Variants in CELF4 observed in about 807,000 individuals in gnomAD.
The protein encoded by CELF4 is CUGBP Elav-like family member 4.
CELF4 carries 18 observed loss-of-function variants against 59.9 expected under a neutral mutation model. The observed-to-expected ratio is 0.30, with a 90% CI of 0.21 to 0.45. The LOEUF is 0.45. CELF4 is among the 20% of genes least tolerant of loss of function. CELF4 has a pLI of 1.00. For synonymous variants in CELF4, 261 were observed against 267.1 expected (o/e 0.98, Z 0.22); for missense variants, 456 against 689.0 (o/e 0.66, Z 3.79).
At chr18:37,340,858 G>A (rs2097989371) in intron 2 of CELF4, among the ~76,000 whole-genome samples, 1 of 152,236 alleles carries the variant, frequency 6.6e-6, no homozygotes, top group Non-Finnish European at 1.5e-5. Flanking sequence ...GAATGCCTCT[G>A]CTGACTGGAG....
At chr18:37,364,895 C>T (rs1174711066) in intron 2 of CELF4, among the ~76,000 whole-genome samples, 1 of 152,084 alleles carries the variant, frequency 6.6e-6, no homozygotes, top group Non-Finnish European at 1.5e-5. Flanking sequence ...GACTATGGAG[C>T]TCAAGACGGG....
intron 1 of CELF4, among the ~76,000 whole-genome samples, chr18:37,536,971 A>G (rs1026630514): frequency 1.3e-5 from 2 of 152,172 alleles, no homozygotes; most frequent in African/African-American, 2.4e-5. Flanking sequence ...GACAGATGTG[A>G]TCTGATGTAG....
At chr18:37,500,701 T>A in intron 1 of CELF4, among the ~76,000 whole-genome samples, 1 of 151,812 alleles carries the variant, frequency 6.6e-6, no homozygotes, top group Admixed American at 6.6e-5. Flanking sequence ...GCCTGGCTAA[T>A]TTTTTTGTAT....
intron 1 of CELF4, among the ~76,000 whole-genome samples, chr18:37,513,662 C>T (rs2099947091): frequency 1.3e-5 from 2 of 152,182 alleles, no homozygotes; most frequent in Non-Finnish European, 2.9e-5. Context: ...TCTTACTGTT[C>T]CTGAGACACA....
chr18:37,370,337 C>G (rs563181223), intron 2 of CELF4, among the ~76,000 whole-genome samples: 2 of 152,284 alleles, frequency 1.3e-5, no homozygotes, highest in African/African-American at 4.8e-5. Flanking sequence ...AAATGGAGGG[C>G]TCCACTCTTC....
At chr18:37,332,327 C>T (rs1027986104) in intron 2 of CELF4, among the ~76,000 whole-genome samples, 2 of 152,156 alleles carry the variant, frequency 1.3e-5, no homozygotes, top group Admixed American at 6.5e-5. Flanking sequence ...CCAGGTGGCA[C>T]CCTTTGCAGC....
chr18:37,343,317 T>C (rs1210248091), intron 2 of CELF4, among the ~76,000 whole-genome samples: 3 of 148,774 alleles, frequency 2.0e-5, no homozygotes, highest in South Asian at 2.2e-4. Context: ...GTGTTGAGAA[T>C]GGGTGTTGAT....
Position 37,394,513 on chromosome 18 carries a change from G to T in CELF4, c.370-72632C>A, listed in dbSNP as rs1466343406. On this transcript the variant is annotated intron_variant, in intron 2 of 12. Transcript: ENST00000420428. Reference sequence around the variant, plus strand: ...TGAGGCAGCGGCCGGCTCCCCCAAAGTGAGGCCCAGGCAGATGGCTGGCCA... The same window carrying T: ...TGAGGCAGCGGCCGGCTCCCCCAAATTGAGGCCCAGGCAGATGGCTGGCCA... Among the ~76,000 whole-genome samples, 3 of 152,220 alleles carry T rather than the reference G, an allele frequency of 2.0e-5. No homozygotes were observed. In the East Asian group the frequency reaches 5.8e-4, roughly 29 times the overall value.
intron 1 of CELF4, among the ~76,000 whole-genome samples, chr18:37,490,336 G>A (rs2099897353): frequency 6.6e-6 from 1 of 151,918 alleles, no homozygotes; most frequent in Non-Finnish European, 1.5e-5. Flanking sequence ...GACACATTTA[G>A]ACCCAGAATG....
At chr18:37,327,666 G>A (rs376869084) in intron 2 of CELF4, among the ~76,000 whole-genome samples, 1 of 152,136 alleles carries the variant, frequency 6.6e-6, no homozygotes, top group African/African-American at 2.4e-5. Flanking sequence ...AGGGGGGAGC[G>A]GGGAGGCAAG....
chr18:37,508,896 G>A (rs533448260), intron 1 of CELF4, among the ~76,000 whole-genome samples: 2 of 152,186 alleles, frequency 1.3e-5, no homozygotes, highest in Non-Finnish European at 2.9e-5. Flanking sequence ...AGAGAGAAGG[G>A]TGATCTCTGC....
At chr18:37,414,564 C>G (rs1403661549) in intron 2 of CELF4, among the ~76,000 whole-genome samples, 1 of 139,900 alleles carries the variant, frequency 7.1e-6, no homozygotes, top group African/African-American at 2.6e-5. Flanking sequence ...TGCAGTGGCG[C>G]GATCTCGGCT....
chr18:37,343,950 T>C (rs960973164), intron 2 of CELF4, among the ~76,000 whole-genome samples: 2 of 152,158 alleles, frequency 1.3e-5, no homozygotes, highest in Non-Finnish European at 2.9e-5. Flanking sequence ...TTGCCAGGAA[T>C]GGTCTCTCTG....
chr18:37,307,086 G>T (rs1314594232), intron 3 of CELF4, among the ~76,000 whole-genome samples: 1 of 152,058 alleles, frequency 6.6e-6, no homozygotes, highest in African/African-American at 2.4e-5. Context: ...CCCCAGGAGC[G>T]GTGAGGGAAG....
intron 2 of CELF4, among the ~76,000 whole-genome samples, chr18:37,343,508 G>A (rs922360651): frequency 3.3e-5 from 5 of 151,990 alleles, no homozygotes; most frequent in African/African-American, 9.7e-5. Flanking sequence ...AAGGGTTGCC[G>A]GCCAGGCTCG....
chr18:37,404,949 A>G (rs1260155082), intron 2 of CELF4, among the ~76,000 whole-genome samples: 3 of 152,038 alleles, frequency 2.0e-5, no homozygotes, highest in Non-Finnish European at 4.4e-5. Context: ...TGTCTTTGCT[A>G]TTTGTCCCAC....
At chr18:37,461,502 C>T (rs946127546) in intron 2 of CELF4, among the ~76,000 whole-genome samples, 48 of 152,190 alleles carry the variant, frequency 3.2e-4, no homozygotes, top group African/African-American at 5.8e-4. Flanking sequence ...TGAGGGGAAC[C>T]GCCCCCATGA....
chr18:37,405,640 T>C (rs2099382610), intron 2 of CELF4, among the ~76,000 whole-genome samples: 1 of 152,208 alleles, frequency 6.6e-6, no homozygotes, highest in African/African-American at 2.4e-5. Flanking sequence ...AATAGGCCTT[T>C]AGCTCAACAC....
chr18:37,442,405 A>G (rs1305610090), intron 2 of CELF4, among the ~76,000 whole-genome samples: 1 of 152,172 alleles, frequency 6.6e-6, no homozygotes, highest in Non-Finnish European at 1.5e-5. Context: ...TAGATCTCAG[A>G]AAAAAAATTT....
Sources: allele counts gnomAD v4.1 joint callset (sites outside exome capture counted in the v4.1 genomes callset), GRCh38; gene constraint gnomAD v4.1.1; transcripts MANE v1.5; gene names NCBI Gene and HGNC (gene_info 2026-07-23, HGNC 2026-07-21).